The following FEZ2 variants were observed in gnomAD, a reference collection of about 807,000 sequenced individuals.
FEZ2 encodes fasciculation and elongation protein zeta 2.
FEZ2 carries 51 observed loss-of-function variants against 40.4 expected under a neutral mutation model. That is an observed-to-expected ratio of 1.26 (90% CI 1.01 to 1.59). The LOEUF is 1.59. Among genes scored for constraint, FEZ2 ranks in the 40% most tolerant of loss-of-function variants. The pLI, the probability that FEZ2 is intolerant of heterozygous loss-of-function variation, is 0.00. For missense variants in FEZ2, 640 were observed against 438.3 expected, an observed-to-expected ratio of 1.46 and a Z score of -4.11; for synonymous variants, 242 against 172.0, an observed-to-expected ratio of 1.41 and a Z score of -3.18.
chr2:36,564,442 G>A (rs554970577), intron 5 of FEZ2, among the ~76,000 whole-genome samples: 1 of 152,208 alleles, frequency 6.6e-6, no homozygotes, highest in East Asian at 1.9e-4. Context: ...TACCATTCCA[G>A]GTATTAGAGA....
chr2:36,557,249 C>A (rs947601014), intron 6 of FEZ2: 3 of 152,092 alleles, frequency 2.0e-5, no homozygotes, highest in Non-Finnish European at 4.4e-5. Context: ...CCTGTGTGAT[C>A]TTGGACACAT....
chr2:36,595,317 C>T (rs1669184569), intron 1 of FEZ2, among the ~76,000 whole-genome samples: 1 of 151,944 alleles, frequency 6.6e-6, no homozygotes, highest in Non-Finnish European at 1.5e-5. Context: ...GAGCCCTGAG[C>T]TTGTTTTCCT....
intron 5 of FEZ2, among the ~76,000 whole-genome samples, chr2:36,573,652 G>A (rs1392351420): frequency 1.3e-5 from 2 of 152,248 alleles, no homozygotes; most frequent in Non-Finnish European, 2.9e-5. Context: ...CACTCTGTTA[G>A]AAGAGAGGTT....
intron 6 of FEZ2, chr2:36,556,860 T>A (rs1158742923): frequency 6.6e-6 from 1 of 152,218 alleles, no homozygotes. Flanking sequence ...TCAGGAAGAC[T>A]ATATATCCAT....
chr2:36,587,360 C>T (rs1668930375), intron 2 of FEZ2, among the ~76,000 whole-genome samples: 1 of 152,206 alleles, frequency 6.6e-6, no homozygotes, highest in Admixed American at 6.5e-5. Flanking sequence ...CTCCTCCCTT[C>T]AGCATTAAAT....
intron 5 of FEZ2, among the ~76,000 whole-genome samples, chr2:36,575,563 C>T (rs1668544894): frequency 6.6e-6 from 1 of 152,152 alleles, no homozygotes; most frequent in Non-Finnish European, 1.5e-5. Context: ...TTTCATCTTA[C>T]CCAACATACA....
At chr2:36,561,877 G>A (rs1465817807) in intron 5 of FEZ2, among the ~76,000 whole-genome samples, 2 of 152,224 alleles carry the variant, frequency 1.3e-5, no homozygotes, top group Non-Finnish European at 2.9e-5. Context: ...CCAAGGGAAT[G>A]GTCATCAAGA....
chr2:36,579,020 T>A (rs1386148072), intron 4 of FEZ2, 155 bp from the exon 5 acceptor site: 4 of 642,846 alleles, frequency 6.2e-6, no homozygotes, highest in Non-Finnish European at 1.1e-5. Context: ...CTGTGGGTGA[T>A]CTTCTCAGAA....
At chr2:36,573,330 T>G (rs898818560) in intron 5 of FEZ2, among the ~76,000 whole-genome samples, 2 of 152,236 alleles carry the variant, frequency 1.3e-5, no homozygotes, top group Non-Finnish European at 2.9e-5. Flanking sequence ...CAACTGCAGA[T>G]AACACTAGAT....
At chr2:36,559,211 C>T (rs1374158982) in intron 5 of FEZ2, 1 of 152,172 alleles carries the variant, frequency 6.6e-6, no homozygotes, top group Non-Finnish European at 1.5e-5. Context: ...CTTCCTAGTT[C>T]ACTACTTGTA....
In FEZ2 at chr2:36,591,254, G is replaced by A. The variant is rs187918222; in HGVS notation, c.267-243C>T. On this transcript the variant is annotated intron_variant, in intron 1 of 7. Transcript: ENST00000405912. ...GAAGCCGTACAGAAAACTGCCAATA[G>A]GCAGTAGGCAACACTTCCATTATAT... is the stretch of plus-strand genomic sequence containing the variant. 3.1e-5 allele frequency: 16 copies of A among 508,104 alleles called. No individual in the cohort carries two copies. In the Admixed American group the frequency reaches 4.4e-4, roughly 14 times the overall value. The allele number at this position is 508,104 out of a possible 1,614,324, so 31.5% of individuals were successfully genotyped here. A position where few individuals can be genotyped will look rare whatever the true frequency, so the allele number is the denominator to read the frequency against.
chr2:36,559,535 A>G (rs1668037766), intron 5 of FEZ2, among the ~76,000 whole-genome samples: 1 of 152,220 alleles, frequency 6.6e-6, no homozygotes, highest in Non-Finnish European at 1.5e-5. Context: ...AAAGTGGTAA[A>G]ACTGCATAGT....
chr2:36,571,199 T>G (rs1482013903), intron 5 of FEZ2, among the ~76,000 whole-genome samples: 2 of 152,216 alleles, frequency 1.3e-5, no homozygotes, highest in South Asian at 4.1e-4. Flanking sequence ...GTTTGAATTA[T>G]TAAAATAATA....
intron 2 of FEZ2, among the ~76,000 whole-genome samples, chr2:36,588,525 A>C (rs1459152474): frequency 6.6e-6 from 1 of 152,128 alleles, no homozygotes; most frequent in Non-Finnish European, 1.5e-5. Context: ...GTTCCAGGAC[A>C]CCCCAATAGC....
At chr2:36,585,489 G>C (rs1038882587) in intron 2 of FEZ2, among the ~76,000 whole-genome samples, 14 of 152,070 alleles carry the variant, frequency 9.2e-5, no homozygotes, top group African/African-American at 3.1e-4. Context: ...AGAGAGCATG[G>C]AGAAGAGGGA....
intron 2 of FEZ2, among the ~76,000 whole-genome samples, chr2:36,586,687 T>A (rs1438519959): frequency 6.6e-6 from 1 of 151,612 alleles, no homozygotes; most frequent in Non-Finnish European, 1.5e-5. Context: ...ACACCTGTAA[T>A]CCCAACACTT....
chr2:36,593,570 C>A (rs533941298), intron 1 of FEZ2, among the ~76,000 whole-genome samples: 95 of 152,234 alleles, frequency 6.2e-4, no homozygotes, highest in Middle Eastern at 3.4e-3. Flanking sequence ...AAGCCACAGC[C>A]TGAGCTGTAC....
chr2:36,590,654 CAAA>C (rs146856068), intron 2 of FEZ2: 39 of 341,418 alleles, frequency 1.1e-4, no homozygotes, highest in East Asian at 1.6e-4. Flanking sequence ...GAGACTCCGT[CAAA>C]AAAAAAAAAA....
chr2:36,597,808 G>C (rs1446724284), intron 1 of FEZ2, 69 bp downstream of exon 1: 1 of 1,041,738 alleles, frequency 9.6e-7, no homozygotes, highest in African/African-American at 4.7e-5. Flanking sequence ...AGCTGCGGCC[G>C]TAGGGCTGCC....
Sources: gnomAD v4.1 joint callset for allele counts (sites outside exome capture counted in the v4.1 genomes callset) on GRCh38, gnomAD v4.1.1 for gene constraint, MANE v1.5 for transcripts, NCBI Gene and HGNC (gene_info 2026-07-23, HGNC 2026-07-21) for gene names.